Variants in MDGA2 observed in about 807,000 individuals in gnomAD.
MDGA2 encodes the protein MAM domain containing glycosylphosphatidylinositol anchor 2.
MDGA2 carries 40 observed loss-of-function variants against 117.8 expected under a neutral mutation model. The observed-to-expected ratio is 0.34, with a 90% confidence interval of 0.26 to 0.44. MDGA2 has a LOEUF of 0.44. MDGA2 is among the 20% of genes least tolerant of loss of function. The probability of loss-of-function intolerance (pLI) is 1.00; values close to 1 mark genes in which losing one functional copy is unlikely to be tolerated. For synonymous variants in MDGA2, 452 were observed against 439.0 expected (o/e 1.03, Z -0.37); for missense variants, 1,123 against 1,250.6 (o/e 0.90, Z 1.54).
intron 8 of MDGA2, among the ~76,000 whole-genome samples, chr14:47,023,433 G>A (rs1888365717): frequency 6.6e-6 from 1 of 152,008 alleles, no homozygotes; most frequent in Non-Finnish European, 1.5e-5. Flanking sequence ...GTCAAACACT[G>A]GTCTAAATGC....
At chr14:47,402,357 A>AG (rs1892171561) in intron 1 of MDGA2, among the ~76,000 whole-genome samples, 6 of 137,876 alleles carry the variant, frequency 4.4e-5, no homozygotes, top group South Asian at 2.6e-4. Context: ...CCGCAAAAAA[A>AG]AGAGAGAGAG....
chr14:47,172,047 G>A (rs940555136), intron 3 of MDGA2, among the ~76,000 whole-genome samples: 1 of 152,262 alleles, frequency 6.6e-6, no homozygotes, highest in Non-Finnish European at 1.5e-5. Flanking sequence ...CTGATTGCTA[G>A]CACAGTGGTC....
At chr14:46,903,703 T>A (rs537453163) in intron 10 of MDGA2, among the ~76,000 whole-genome samples, 1 of 152,316 alleles carries the variant, frequency 6.6e-6, no homozygotes, top group South Asian at 2.1e-4. Context: ...ATGTGCTGGT[T>A]ACATTATTTG....
chr14:47,261,937 A>G (rs1168657535), intron 2 of MDGA2, among the ~76,000 whole-genome samples: 1 of 152,156 alleles, frequency 6.6e-6, no homozygotes, highest in Non-Finnish European at 1.5e-5. Context: ...TTAGTTATAA[A>G]GAAAGCAACA....
At chr14:47,483,683 A>G (rs192857789) in intron 1 of MDGA2, among the ~76,000 whole-genome samples, 2 of 152,176 alleles carry the variant, frequency 1.3e-5, no homozygotes, top group Non-Finnish European at 2.9e-5. Flanking sequence ...GTGGCTTTCC[A>G]TCTGTTAACA....
At chr14:47,044,531 G>A (rs922800197) in intron 7 of MDGA2, among the ~76,000 whole-genome samples, 1 of 152,124 alleles carries the variant, frequency 6.6e-6, no homozygotes, top group African/African-American at 2.4e-5. Flanking sequence ...TGTGAAACAA[G>A]CATTTATAAA....
chr14:47,287,038 C>T (rs9671885), intron 2 of MDGA2, among the ~76,000 whole-genome samples: 151,717 of 151,768 alleles, frequency 1, 75,833 homozygotes, highest in Non-Finnish European at 1. Context: ...AATAACTGTA[C>T]TATATACTTA....
At chr14:47,653,007 C>T (rs2138273540) in intron 1 of MDGA2, among the ~76,000 whole-genome samples, 1 of 152,206 alleles carries the variant, frequency 6.6e-6, no homozygotes, top group Admixed American at 6.5e-5. Flanking sequence ...ACTATCTTCT[C>T]TCCATTTTTA....
At chr14:47,416,694 C>T (rs1052616570) in intron 1 of MDGA2, among the ~76,000 whole-genome samples, 6 of 152,148 alleles carry the variant, frequency 3.9e-5, no homozygotes, top group African/African-American at 1.2e-4. Flanking sequence ...TCAGAGCACA[C>T]GCATGAGCTG....
chr14:46,945,881 T>C (rs1885156257), intron 9 of MDGA2, among the ~76,000 whole-genome samples: 1 of 152,092 alleles, frequency 6.6e-6, no homozygotes, highest in African/African-American at 2.4e-5. Context: ...ATTTTCCAGA[T>C]AACTTCCAAG....
At chr14:47,155,704 T>C (rs1883340933) in intron 3 of MDGA2, among the ~76,000 whole-genome samples, 2 of 151,892 alleles carry the variant, frequency 1.3e-5, no homozygotes, top group Non-Finnish European at 1.5e-5. Context: ...TCCAGGCCAG[T>C]AGCGCAAGCT....
chr14:47,575,874 T>C (rs748626797), intron 1 of MDGA2, among the ~76,000 whole-genome samples: 7 of 152,216 alleles, frequency 4.6e-5, no homozygotes, highest in African/African-American at 9.6e-5. Context: ...TGTAAAAATA[T>C]AATTTAGGAC....
intron 1 of MDGA2, among the ~76,000 whole-genome samples, chr14:47,346,124 T>C (rs1046405317): frequency 7.2e-5 from 11 of 152,074 alleles, no homozygotes; most frequent in Non-Finnish European, 2.9e-5. Context: ...AATGAATGTA[T>C]AAGGTGACGG....
At chr14:47,440,531 A>G (rs1238540428) in intron 1 of MDGA2, among the ~76,000 whole-genome samples, 1 of 152,124 alleles carries the variant, frequency 6.6e-6, no homozygotes, top group Admixed American at 6.6e-5. Flanking sequence ...CAAAACTGAG[A>G]ATCACTGGGC....
intron 7 of MDGA2, among the ~76,000 whole-genome samples, chr14:47,039,701 A>G (rs1203280702): frequency 2.0e-5 from 3 of 152,202 alleles, no homozygotes; most frequent in African/African-American, 7.2e-5. Context: ...GTTGAACAAT[A>G]GAATATGACA....
chr14:47,578,109 T>C (rs1020620818), intron 1 of MDGA2, among the ~76,000 whole-genome samples: 1 of 152,146 alleles, frequency 6.6e-6, no homozygotes, highest in Non-Finnish European at 1.5e-5. Flanking sequence ...TGAGATCATG[T>C]CCTTTTCATG....
intron 1 of MDGA2, among the ~76,000 whole-genome samples, chr14:47,655,679 C>T (rs535156101): frequency 2.0e-4 from 30 of 152,200 alleles, no homozygotes; most frequent in African/African-American, 6.5e-4. Flanking sequence ...AACAAATTAG[C>T]TCACTTTCCC....
chr14:46,894,132 C>T (rs1018166306), intron 10 of MDGA2, among the ~76,000 whole-genome samples: 1 of 151,976 alleles, frequency 6.6e-6, no homozygotes, highest in African/African-American at 2.4e-5. Flanking sequence ...AAATATTTTA[C>T]ACATTATTTT....
rs192801483 is a variant in MDGA2, at chr14:46,872,273, T to A, written c.2752+1160A>T. Among the ~76,000 whole-genome samples the A allele has an allele frequency of 2.2e-3, 339 of 152,126 alleles. 1 individual carries two copies. Among genetic ancestry groups the A allele is most frequent in the African/African-American group, 7.8e-3 (323 of 41,544 alleles). The stretch of plus-strand genomic sequence containing the variant: ...TATTAGTTTACATCACATATATTTA[T>A]ACTATCACTTTATTAATTTATATAA... On this transcript the variant is annotated intron_variant, in intron 14 of 16. Transcript: ENST00000399232.
Sources: gnomAD v4.1 joint callset for allele counts (sites outside exome capture counted in the v4.1 genomes callset) on GRCh38, gnomAD v4.1.1 for gene constraint, MANE v1.5 for transcripts, NCBI Gene and HGNC (gene_info 2026-07-23, HGNC 2026-07-21) for gene names.